The following CFAP77 variants were observed in gnomAD, a reference collection of about 807,000 sequenced individuals.
CFAP77 encodes the protein cilia and flagella associated protein 77.
Under a neutral mutation model 31.1 loss-of-function variants are expected in CFAP77, and 25 were observed. The observed-to-expected ratio is 0.80, with a 90% CI of 0.59 to 1.12. The LOEUF (loss-of-function observed/expected upper bound fraction) is 1.12, where lower values mean the gene tolerates loss of function less well. Ranked by LOEUF, CFAP77 falls within the 50% of genes most tolerant of loss-of-function variation. The pLI is 0.00. For missense variants in CFAP77, 377 were observed against 397.3 expected (o/e 0.95, Z 0.44); for synonymous variants, 151 against 159.9 (o/e 0.94, Z 0.42).
chr9:132,451,614 A>T (rs1282016752), intron 1 of CFAP77, among the ~76,000 whole-genome samples: 2 of 151,848 alleles, frequency 1.3e-5, no homozygotes, highest in Admixed American at 1.3e-4. Context: ...TCTCCTCTTC[A>T]TTGTGTGACA....
chr9:132,538,883 C>T (rs937264589), intron 4 of CFAP77, among the ~76,000 whole-genome samples: 3 of 152,060 alleles, frequency 2.0e-5, no homozygotes, highest in East Asian at 1.9e-4. Flanking sequence ...GTCCGGAGAT[C>T]GAGACCATCC....
chr9:132,528,356 C>G (rs1291811989), intron 3 of CFAP77, among the ~76,000 whole-genome samples: 1 of 136,856 alleles, frequency 7.3e-6, no homozygotes, highest in African/African-American at 2.6e-5. Flanking sequence ...AAAATCAATT[C>G]AAGATGGATT....
At chr9:132,453,818 C>G (rs1850870888) in intron 1 of CFAP77, among the ~76,000 whole-genome samples, 1 of 152,186 alleles carries the variant, frequency 6.6e-6, no homozygotes, top group Non-Finnish European at 1.5e-5. Flanking sequence ...TTTGGTCTCT[C>G]ACTTCTGAGT....
chr9:132,503,005 A>G (rs1227706657), intron 3 of CFAP77, among the ~76,000 whole-genome samples: 1 of 152,214 alleles, frequency 6.6e-6, no homozygotes, highest in Non-Finnish European at 1.5e-5. Context: ...TCAGCTCAGC[A>G]TCGCCTCTTT....
chr9:132,558,810 C>T (rs917283213), intron 5 of CFAP77, among the ~76,000 whole-genome samples: 5 of 146,520 alleles, frequency 3.4e-5, no homozygotes, highest in Non-Finnish European at 4.5e-5. Flanking sequence ...GTCGGGAGTT[C>T]GAGACCAGCC....
intron 1 of CFAP77, among the ~76,000 whole-genome samples, chr9:132,413,721 C>T (rs1265447317): frequency 1.3e-5 from 2 of 152,166 alleles, no homozygotes; most frequent in Admixed American, 6.5e-5. Flanking sequence ...TTGGTTTGCT[C>T]CCCTGACAGC....
intron 1 of CFAP77, among the ~76,000 whole-genome samples, chr9:132,488,930 A>T (rs1245985946): frequency 1.3e-5 from 2 of 152,196 alleles, no homozygotes; most frequent in Admixed American, 1.3e-4. Flanking sequence ...ATGAGGTTTA[A>T]TGAAGCTGTC....
At chr9:132,568,265 G>A (rs1829911728) in intron 5 of CFAP77, among the ~76,000 whole-genome samples, 1 of 152,282 alleles carries the variant, frequency 6.6e-6, no homozygotes, top group Non-Finnish European at 1.5e-5. Context: ...TAATAATAGT[G>A]CATATACAGC....
rs904226619 is a variant in CFAP77 at position 132,501,515 on chromosome 9, G to A, written c.524+1915G>A. On this transcript the variant is annotated intron_variant, in intron 3 of 5. Transcript: ENST00000393216. This position sits in a 1 kb window ranked among gnomAD's most constrained non-coding sequence, Gnocchi z 4.6. Reference sequence around the variant, plus strand: ...CCTTCCAGGTTCCAGTGATTCTCCTGCCTCAGCCTCCCGAGTAGCTGGGAC... The same window carrying A: ...CCTTCCAGGTTCCAGTGATTCTCCTACCTCAGCCTCCCGAGTAGCTGGGAC... Among the ~76,000 whole-genome samples the A allele has an allele frequency of 1.1e-4, 17 of 151,492 alleles. No homozygotes were observed. Among genetic ancestry groups the A allele is most frequent in the African/African-American group, 3.6e-4 (15 of 41,208 alleles).
chr9:132,512,719 G>A (rs1353503270), intron 3 of CFAP77, among the ~76,000 whole-genome samples: 1 of 152,182 alleles, frequency 6.6e-6, no homozygotes, highest in Non-Finnish European at 1.5e-5. Flanking sequence ...GGCCGAGGCG[G>A]GCAGATCACC....
At chr9:132,518,229 G>C (rs936787981) in intron 3 of CFAP77, among the ~76,000 whole-genome samples, 1 of 152,120 alleles carries the variant, frequency 6.6e-6, no homozygotes. Flanking sequence ...CAGCGTGGAA[G>C]TCAGGACAAA....
chr9:132,568,281 G>A (rs1304186556), intron 5 of CFAP77, among the ~76,000 whole-genome samples: 8 of 152,322 alleles, frequency 5.3e-5, no homozygotes, highest in African/African-American at 1.9e-4. Context: ...ACAGCTGGGC[G>A]CTGTGGCTAA....
In CFAP77 at chr9:132,539,187, CAGT is replaced by C. The variant is rs1292566513; in HGVS notation, c.630+1484_630+1486del. Among the ~76,000 whole-genome samples the C allele has an allele frequency of 1.3e-5, 2 of 152,208 alleles. No individual in the cohort carries two copies. Among genetic ancestry groups the C allele is most frequent in the East Asian group, 1.9e-4 (1 of 5,200 alleles). ...AGAGAGATCAGATTGGCCTCCTCGG[CAGT>C]AGGTCCAGACTGACGATGGTAAAAT... On this transcript the variant is annotated intron_variant, in intron 4 of 5. Coordinates refer to ENST00000393216, the MANE Select transcript of CFAP77 (RefSeq NM_001282957.2). The surrounding 1 kb of genome is among the most constrained non-coding windows in gnomAD (Gnocchi z 4.3).
chr9:132,415,843 T>C (rs937177680), intron 1 of CFAP77, among the ~76,000 whole-genome samples: 6 of 152,222 alleles, frequency 3.9e-5, no homozygotes, highest in Non-Finnish European at 8.8e-5. Flanking sequence ...TCAGGAGCAT[T>C]GGAGGTCTCG....
rs1446674401 is a variant in CFAP77 at position 132,565,590 on chromosome 9, C to T, written c.733-6798C>T. ...AGTTTGCAGTGAGCTGAGATCACAC[C>T]ACTGCACTCCAGCCTGGGCAACGAG... On this transcript the variant is annotated intron_variant, in intron 5 of 5. Coordinates refer to ENST00000393216, the MANE Select transcript of CFAP77 (RefSeq NM_001282957.2). The surrounding 1 kb of genome is among the most constrained non-coding windows in gnomAD (Gnocchi z 4.1). 2.0e-5 allele frequency among the ~76,000 whole-genome samples: 3 copies of T among 152,094 alleles called. No homozygotes were observed. The highest frequency in any genetic ancestry group is 2.9e-5 in the Non-Finnish European group (2 of 67,976).
chr9:132,423,153 G>A (rs910274146), intron 1 of CFAP77, among the ~76,000 whole-genome samples: 19 of 152,292 alleles, frequency 1.2e-4, no homozygotes, highest in Middle Eastern at 3.4e-3. Context: ...GCATAAATTC[G>A]GAGGTTTAAG....
intron 1 of CFAP77, among the ~76,000 whole-genome samples, chr9:132,496,433 C>G (rs1435593821): frequency 6.6e-6 from 1 of 152,166 alleles, no homozygotes; most frequent in East Asian, 1.9e-4. Flanking sequence ...TCACCACAAT[C>G]AATTTTAAAA....
chr9:132,452,183 T>TG (rs748890872), intron 1 of CFAP77, among the ~76,000 whole-genome samples: 22 of 152,282 alleles, frequency 1.4e-4, no homozygotes, highest in Non-Finnish European at 2.8e-4. Flanking sequence ...GTCTGCAGGG[T>TG]GGGTCACAAT....
chr9:132,541,712 CAACAACAA>C (rs904524846), intron 4 of CFAP77, among the ~76,000 whole-genome samples: 27 of 152,258 alleles, frequency 1.8e-4, no homozygotes, highest in Non-Finnish European at 3.4e-4. Context: ...CTCAAAACAA[CAACAACAA>C]AAAACACAAA....
Sources: allele counts gnomAD v4.1 joint callset (sites outside exome capture counted in the v4.1 genomes callset), GRCh38; gene constraint gnomAD v4.1.1; non-coding constraint Gnocchi (gnomAD v3.1); transcripts MANE v1.5; gene names NCBI Gene and HGNC (gene_info 2026-07-23, HGNC 2026-07-21).